AKR1C1: variants seen among roughly 807,000 people sequenced by gnomAD.
The protein encoded by AKR1C1 is 20 alpha-hydroxysteroid dehydrogenase.
Under a neutral mutation model 40.6 loss-of-function variants are expected in AKR1C1, and 32 were observed. The ratio of observed to expected loss-of-function variants is 0.79; its 90% confidence interval spans 0.60 to 1.06. AKR1C1 has a LOEUF of 1.06. Among genes scored for constraint, AKR1C1 ranks in the 50% least tolerant of loss-of-function variants. The pLI is 0.00. For synonymous variants in AKR1C1, 105 were observed against 134.2 expected, an observed-to-expected ratio of 0.78 and a Z score of 1.50; for missense variants, 320 against 363.5, an observed-to-expected ratio of 0.88 and a Z score of 0.97.
At chr10:4,967,525 T>C (rs1280139840) in intron 3 of AKR1C1, 56 of 983,248 alleles carry the variant, frequency 5.7e-5, no homozygotes, top group Non-Finnish European at 6.5e-5. Flanking sequence ...TTCCTCTCTT[T>C]TCACACTGGA....
rs534933446 is a variant in AKR1C1, at chr10:4,982,356, G to A, written c.*4614G>A. On this transcript the variant is annotated 3_prime_UTR_variant, in exon 9 of 9. Transcript: ENST00000380872. The stretch of plus-strand genomic sequence containing the variant: ...GGGGGGACCTTCTTAGAAGAGCTGC[G>A]CCCCACCCCCCTCCCTGGACAGCCC... 1.0e-4 allele frequency: 15 copies of A among 149,438 alleles called. No homozygotes were observed. The East Asian group carries it at 1.6e-3, about 16-fold the overall frequency. The allele number at this position is 149,438 out of a possible 1,614,324, so 9.3% of individuals were successfully genotyped here. A position where few individuals can be genotyped will look rare whatever the true frequency, so the allele number is the denominator to read the frequency against.
chr10:4,973,941 C>G (rs1836482193), intron 7 of AKR1C1, among the ~76,000 whole-genome samples: 1 of 150,426 alleles, frequency 6.6e-6, no homozygotes, highest in African/African-American at 2.4e-5. Context: ...TATTATAAAA[C>G]CTATGTCACA....
intron 6 of AKR1C1, 38 bp from the exon 7 acceptor site, chr10:4,972,546 C>T: frequency 6.2e-7 from 1 of 1,610,866 alleles, no homozygotes; most frequent in Non-Finnish European, 8.5e-7. Flanking sequence ...ACTGTATCCC[C>T]AGCCTCAGGG....
chr10:4,971,505 T>TTATA (rs373079128), intron 5 of AKR1C1, among the ~76,000 whole-genome samples: 8 of 108,926 alleles, frequency 7.3e-5, no homozygotes, highest in African/African-American at 1.2e-4. Context: ...CATATATATA[T>TTATA]TATATATATA....
rs564316353 is a variant in AKR1C1, at chr10:4,972,882, C to T, written c.846+133C>T. 2.8e-4 allele frequency: 401 copies of T among 1,443,130 alleles called. No homozygotes were observed. The African/African-American group carries it at 4.9e-3, about 18-fold the overall frequency. 89.4% of individuals were successfully genotyped at this position (1,443,130 alleles called of 1,614,324 possible). ...TTCCTATGCATGAACTCTTTGTGTA[C>T]GTCATAAGGGTTTCTTCTACTCTAG... On this transcript the variant is annotated intron_variant, in intron 7 of 8. Transcript: ENST00000380872.
At chr10:4,971,505 TTATA>T (rs373079128) in intron 5 of AKR1C1, among the ~76,000 whole-genome samples, 4 of 108,926 alleles carry the variant, frequency 3.7e-5, no homozygotes, top group Non-Finnish European at 5.4e-5. Flanking sequence ...CATATATATA[TTATA>T]TATATATATA....
Position 4,982,039 on chromosome 10 carries a change from G to T in AKR1C1, c.*4297G>T, listed in dbSNP as rs1257348419. ...CTGGGTGAGGCTCACTGTGGGGGGC[G>T]CACGGCAAGCTATTCAACATTACGT... is the stretch of plus-strand genomic sequence containing the variant. On this transcript the variant is annotated 3_prime_UTR_variant, in exon 9 of 9. Coordinates refer to ENST00000380872, the MANE Select transcript of AKR1C1 (RefSeq NM_001353.6). 1 of 151,896 alleles carries T rather than the reference G, an allele frequency of 6.6e-6. No homozygotes were observed. The highest frequency in any genetic ancestry group is 6.6e-5 in the Admixed American group (1 of 15,246). 9.4% of individuals were successfully genotyped at this position (151,896 alleles called of 1,614,324 possible).
At chr10:4,973,756 G>C (rs1836476758) in intron 7 of AKR1C1, among the ~76,000 whole-genome samples, 1 of 151,994 alleles carries the variant, frequency 6.6e-6, no homozygotes, top group South Asian at 2.1e-4. Context: ...CGATATGTGT[G>C]AAATAACATA....
chr10:4,972,233 A>G lies in AKR1C1; in HGVS notation c.603A>G (p.Lys201=). The change falls in exon 6 of 9, where the codon AAA becomes AAG. Residue 201 remains lysine (K), a synonymous_variant. Transcript: ENST00000380872. ...GTCATCCTTACTTCAACCAGAGAAA[A>G]CTGCTGGATTTCTGCAAGTCAAAAG... ...VECHPYFNQR[K]LLDFCKSKDI... The G allele has an allele frequency of 6.2e-7, 1 of 1,613,660 alleles. No homozygotes were observed. The highest frequency in any genetic ancestry group is 2.2e-5 in the East Asian group (1 of 44,882).
chr10:4,969,093 C>A, intron 5 of AKR1C1, 149 bp downstream of exon 5: 1 of 1,488,242 alleles, frequency 6.7e-7, no homozygotes, highest in Non-Finnish European at 9.0e-7. Flanking sequence ...ATAGAGGGAT[C>A]TTACTTGTAC....
chr10:4,969,056 G>A lies in AKR1C1; in HGVS notation c.570+112G>A, dbSNP rs1836381470. 5.1e-6 allele frequency: 8 copies of A among 1,574,358 alleles called. No homozygotes were observed. The Admixed American group carries it at 9.0e-5, about 18-fold the overall frequency. On this transcript the variant is annotated intron_variant, in intron 5 of 8. Coordinates refer to ENST00000380872, the MANE Select transcript of AKR1C1 (RefSeq NM_001353.6). ...TATCTTTGTAAAAGAGAAGATTCTA[G>A]AGAGCAAAGACTCTGTCTCGAAGGG...
At chr10:4,973,489 C>T (rs1189464072) in intron 7 of AKR1C1, among the ~76,000 whole-genome samples, 2 of 152,204 alleles carry the variant, frequency 1.3e-5, no homozygotes, top group African/African-American at 4.8e-5. Flanking sequence ...CCAGGGTTCA[C>T]CTCAGCACAG....
intron 1 of AKR1C1, 32 bp from the exon 2 acceptor site, chr10:4,965,882 T>G (rs1346117745): frequency 6.3e-7 from 1 of 1,594,222 alleles, no homozygotes; most frequent in Non-Finnish European, 8.5e-7. Context: ...GGCACATTAG[T>G]CAGAAAATAC....
At chr10:4,964,458 T>C (rs1202740632) in intron 1 of AKR1C1, among the ~76,000 whole-genome samples, 1 of 152,184 alleles carries the variant, frequency 6.6e-6, no homozygotes, top group Non-Finnish European at 1.5e-5. Context: ...TGAGTACTCA[T>C]ACAGCAAAGA....
chr10:4,978,612 T>C lies in AKR1C1; in HGVS notation c.*870T>C, dbSNP rs1430923984. The C allele has an allele frequency of 3.9e-5, 6 of 152,172 alleles. No homozygotes were observed. The highest frequency in any genetic ancestry group is 3.9e-4 in the Admixed American group (6 of 15,272). The allele number at this position is 152,172 out of a possible 1,614,324, so 9.4% of individuals were successfully genotyped here. On this transcript the variant is annotated 3_prime_UTR_variant, in exon 9 of 9. Coordinates refer to ENST00000380872, the MANE Select transcript of AKR1C1 (RefSeq NM_001353.6). ...ATAGCTCATATTTAGAAAATATTCT[T>C]AGATTCTAAAAATGTACTATTAATT...
chr10:4,977,314 G>C (rs1588565526), intron 8 of AKR1C1, among the ~76,000 whole-genome samples: 1 of 152,148 alleles, frequency 6.6e-6, no homozygotes. Context: ...ACTCAAAATT[G>C]TTTATTAGTG....
chr10:4,977,821 C>T lies in AKR1C1; in HGVS notation c.*79C>T. ...ACAGAGGATGGCTCTATGCTGGTGA[C>T]TGGACACATCGCCTCTGGTTAAATC... On this transcript the variant is annotated 3_prime_UTR_variant, in exon 9 of 9. Coordinates refer to ENST00000380872, the MANE Select transcript of AKR1C1 (RefSeq NM_001353.6). 1.4e-6 allele frequency: 2 copies of T among 1,461,570 alleles called. No homozygotes were observed. The highest frequency in any genetic ancestry group is 1.9e-6 in the Non-Finnish European group (2 of 1,060,330). The allele number at this position is 1,461,570 out of a possible 1,614,324, so 90.5% of individuals were successfully genotyped here.
chr10:4,971,696 G>A (rs868914947), intron 5 of AKR1C1, among the ~76,000 whole-genome samples: 65 of 149,186 alleles, frequency 4.4e-4, no homozygotes, highest in East Asian at 2.6e-3. Flanking sequence ...ATTTATGTGT[G>A]TATGTATATT....
At chr10:4,977,446 T>C (rs1354706101) in intron 8 of AKR1C1, among the ~76,000 whole-genome samples, 2 of 152,234 alleles carry the variant, frequency 1.3e-5, no homozygotes, top group Non-Finnish European at 2.9e-5. Context: ...TAGAGAAATA[T>C]GTTTGAACAT....
Sources: allele counts gnomAD v4.1 joint callset (sites outside exome capture counted in the v4.1 genomes callset), GRCh38; gene constraint gnomAD v4.1.1; transcripts MANE v1.5; gene names NCBI Gene and HGNC (gene_info 2026-07-23, HGNC 2026-07-21).